ZFPM2: variants seen among roughly 807,000 people sequenced by gnomAD.
ZFPM2 encodes the protein zinc finger protein, FOG family member 2.
Under a neutral mutation model 98.6 loss-of-function variants are expected in ZFPM2, and 20 were observed. The observed-to-expected ratio is 0.20, with a 90% CI of 0.14 to 0.29. The LOEUF (loss-of-function observed/expected upper bound fraction) is 0.29, where lower values mean the gene tolerates loss of function less well. Among genes scored for constraint, ZFPM2 ranks in the 10% least tolerant of loss-of-function variants. The probability of loss-of-function intolerance (pLI) is 1.00; values close to 1 mark genes in which losing one functional copy is unlikely to be tolerated. For synonymous variants in ZFPM2, 518 were observed against 502.7 expected, an observed-to-expected ratio of 1.03 and a Z score of -0.41; for missense variants, 1,310 against 1,388.6, an observed-to-expected ratio of 0.94 and a Z score of 0.90.
intron 3 of ZFPM2, among the ~76,000 whole-genome samples, chr8:105,532,748 T>C (rs1438115062): frequency 6.6e-6 from 1 of 152,158 alleles, no homozygotes; most frequent in Non-Finnish European, 1.5e-5. Context: ...CAGTGAATGA[T>C]GTAATTGGGG....
rs1450941819 is a variant in ZFPM2, at chr8:105,635,469, A to C, written c.532+1112A>C. Among the ~76,000 whole-genome samples, 5 of 152,232 alleles carry C rather than the reference A, an allele frequency of 3.3e-5. No homozygotes were observed. In the East Asian group the frequency reaches 9.7e-4, roughly 29 times the overall value. On this transcript the variant is annotated intron_variant, in intron 5 of 7. Transcript: ENST00000407775. ...GGGAATTTGCAAGCTAAAAAAAAAA[A>C]AACAATCTGCACACCAGGATCTGAT...
At chr8:105,482,155 C>CT (rs1410383922) in intron 3 of ZFPM2, among the ~76,000 whole-genome samples, 1 of 152,004 alleles carries the variant, frequency 6.6e-6, no homozygotes, top group Non-Finnish European at 1.5e-5. Context: ...TGTATTTTTA[C>CT]TTTATGTATT....
chr8:105,744,951 C>T (rs1434041749), intron 5 of ZFPM2, among the ~76,000 whole-genome samples: 2 of 152,086 alleles, frequency 1.3e-5, no homozygotes, highest in African/African-American at 2.4e-5. Context: ...AAGTAAATCC[C>T]AATTCTCTCA....
intron 5 of ZFPM2, among the ~76,000 whole-genome samples, chr8:105,710,666 TGTG>T (rs1811364984): frequency 0.18 from 193 of 1,054 alleles, 1 homozygote; most frequent in South Asian, 0.43. Flanking sequence ...CACAAAATTG[TGTG>T]TGTGTGTGTG....
chr8:105,524,010 C>G (rs935827433), intron 3 of ZFPM2, among the ~76,000 whole-genome samples: 3 of 152,108 alleles, frequency 2.0e-5, no homozygotes, highest in African/African-American at 4.8e-5. Flanking sequence ...TTCACTACAT[C>G]AATTTAGAGC....
At chr8:105,357,201 T>G (rs917660451) in intron 1 of ZFPM2, among the ~76,000 whole-genome samples, 1 of 152,178 alleles carries the variant, frequency 6.6e-6, no homozygotes, top group Admixed American at 6.6e-5. Context: ...TATAAATCTT[T>G]CTGATTGAAA....
chr8:105,771,468 T>A (rs1812976959), intron 5 of ZFPM2, among the ~76,000 whole-genome samples: 1 of 152,142 alleles, frequency 6.6e-6, no homozygotes, highest in Admixed American at 6.6e-5. Context: ...TCTTTGTTAA[T>A]CCTATTGGAA....
intron 5 of ZFPM2, among the ~76,000 whole-genome samples, chr8:105,760,661 CT>C (rs766599610): frequency 2.5e-4 from 38 of 152,086 alleles, no homozygotes; most frequent in Non-Finnish European, 4.1e-4. Context: ...AAGCAAGCAA[CT>C]GTGACATCTT....
At chr8:105,753,609 A>AAAG (rs1812525102) in intron 5 of ZFPM2, among the ~76,000 whole-genome samples, 1 of 152,194 alleles carries the variant, frequency 6.6e-6, no homozygotes, top group Admixed American at 6.6e-5. Flanking sequence ...TAGTAGCTTC[A>AAAG]AAGTACATGT....
At chr8:105,421,262 G>A (rs1811787095) in intron 2 of ZFPM2, among the ~76,000 whole-genome samples, 1 of 151,478 alleles carries the variant, frequency 6.6e-6, no homozygotes, top group African/African-American at 2.4e-5. Flanking sequence ...ATAAACAGTT[G>A]GAAAAATGTT....
intron 1 of ZFPM2, among the ~76,000 whole-genome samples, chr8:105,330,079 C>T (rs909084794): frequency 3.3e-5 from 5 of 151,546 alleles, no homozygotes; most frequent in African/African-American, 9.7e-5. Context: ...GGCTGGCAGG[C>T]ATAAAGTAGA....
At chr8:105,480,282 C>A (rs1174381690) in intron 3 of ZFPM2, among the ~76,000 whole-genome samples, 1 of 152,180 alleles carries the variant, frequency 6.6e-6, no homozygotes, top group African/African-American at 2.4e-5. Context: ...AGCATTGGTA[C>A]CTTATCTAAT....
At chr8:105,595,843 G>C (rs923698764) in intron 4 of ZFPM2, among the ~76,000 whole-genome samples, 9 of 151,756 alleles carry the variant, frequency 5.9e-5, no homozygotes, top group Non-Finnish European at 1.2e-4. Context: ...ACTTCTTAGA[G>C]CTTTTTAATC....
intron 3 of ZFPM2, among the ~76,000 whole-genome samples, chr8:105,450,724 G>T (rs554025646): frequency 6.6e-6 from 1 of 151,914 alleles, no homozygotes; most frequent in African/African-American, 2.4e-5. Context: ...GTGTGCTCAC[G>T]TGTGTGTATT....
At chr8:105,731,957 G>C (rs1811949912) in intron 5 of ZFPM2, among the ~76,000 whole-genome samples, 1 of 151,690 alleles carries the variant, frequency 6.6e-6, no homozygotes. Flanking sequence ...GTGCATAACT[G>C]ATGGAGAATT....
chr8:105,406,671 G>C (rs1811465705), intron 1 of ZFPM2, among the ~76,000 whole-genome samples: 1 of 151,934 alleles, frequency 6.6e-6, no homozygotes, highest in Admixed American at 6.6e-5. Flanking sequence ...TAACCTGGAT[G>C]GCAGACTGAA....
chr8:105,397,598 A>C (rs562717479), intron 1 of ZFPM2, among the ~76,000 whole-genome samples: 20 of 152,194 alleles, frequency 1.3e-4, no homozygotes, highest in Middle Eastern at 3.4e-3. Flanking sequence ...AGAGCTACTG[A>C]GGAGTTTTTG....
chr8:105,687,147 G>A (rs1034494674), intron 5 of ZFPM2, among the ~76,000 whole-genome samples: 61 of 152,120 alleles, frequency 4.0e-4, no homozygotes, highest in Middle Eastern at 3.2e-3. Flanking sequence ...CATGACTGTG[G>A]AAGCCACATA....
At chr8:105,686,309 C>T (rs1810732915) in intron 5 of ZFPM2, among the ~76,000 whole-genome samples, 1 of 151,952 alleles carries the variant, frequency 6.6e-6, no homozygotes, top group Non-Finnish European at 1.5e-5. Flanking sequence ...TATCAAAGTA[C>T]CATTTACTTG....
Sources: gnomAD v4.1 joint callset for allele counts (sites outside exome capture counted in the v4.1 genomes callset) on GRCh38, gnomAD v4.1.1 for gene constraint, MANE v1.5 for transcripts, NCBI Gene and HGNC (gene_info 2026-07-23, HGNC 2026-07-21) for gene names.